MYH15: variants seen among roughly 807,000 people sequenced by gnomAD.
MYH15 encodes myosin-15.
In MYH15, 227 loss-of-function variants were observed where a neutral mutation model predicts 240.5. The observed-to-expected ratio is 0.94, with a 90% CI of 0.85 to 1.05. The LOEUF (loss-of-function observed/expected upper bound fraction) is 1.05, where lower values mean the gene tolerates loss of function less well. Ranked by LOEUF, MYH15 falls within the 50% of genes least tolerant of loss-of-function variation. The pLI, the probability that MYH15 is intolerant of heterozygous loss-of-function variation, is 0.00. For missense variants in MYH15, 2,217 were observed against 2,247.5 expected, an observed-to-expected ratio of 0.99 and a Z score of 0.27; for synonymous variants, 785 against 796.7, an observed-to-expected ratio of 0.99 and a Z score of 0.25.
At chr3:108,504,527 A>T (rs1183976158) in intron 2 of MYH15, among the ~76,000 whole-genome samples, 1 of 152,248 alleles carries the variant, frequency 6.6e-6, no homozygotes, top group Non-Finnish European at 1.5e-5. Flanking sequence ...CAAAGATAGC[A>T]TTAAAAAGAC....
chr3:108,471,187 C>G (rs534708904), intron 12 of MYH15, among the ~76,000 whole-genome samples: 2 of 151,832 alleles, frequency 1.3e-5, no homozygotes, highest in South Asian at 4.2e-4. Flanking sequence ...TAGCCTGGTG[C>G]CTCTTTATGA....
chr3:108,526,636 C>T (rs1223129717), intron 1 of MYH15, among the ~76,000 whole-genome samples: 2 of 152,166 alleles, frequency 1.3e-5, no homozygotes, highest in East Asian at 3.8e-4. Flanking sequence ...CAGGGATTTT[C>T]ATTTTAAAAA....
chr3:108,441,276 G>A lies in MYH15; in HGVS notation c.2656-16C>T, dbSNP rs1560368932. On this transcript the variant is annotated splice_polypyrimidine_tract_variant and intron_variant, in intron 22 of 40. Coordinates refer to ENST00000693548, the MANE Select transcript of MYH15 (RefSeq NM_014981.3). ...TCTCTTGCTCCTGCCATGATGAGGA[G>A]AAAATTGTTGCCAACAGCTGGAAGT... The A allele has an allele frequency of 6.2e-7, 1 of 1,612,186 alleles. No homozygotes were observed. Among genetic ancestry groups the A allele is most frequent in the Non-Finnish European group, 8.5e-7 (1 of 1,178,618 alleles).
At chr3:108,386,374 A>G (rs1487046344) in intron 38 of MYH15, among the ~76,000 whole-genome samples, 1 of 152,190 alleles carries the variant, frequency 6.6e-6, no homozygotes, top group East Asian at 1.9e-4. Flanking sequence ...TCCTATCAAG[A>G]AAAGAACTTG....
At chr3:108,478,180 C>T (rs1303218489) in intron 11 of MYH15, among the ~76,000 whole-genome samples, 2 of 152,088 alleles carry the variant, frequency 1.3e-5, no homozygotes, top group Admixed American at 6.6e-5. Flanking sequence ...AGCTCTATCT[C>T]GTCTGTATTA....
rs551152684 is a variant in MYH15 at position 108,442,314 on chromosome 3, G to A, written c.2656-1054C>T. Among the ~76,000 whole-genome samples, 10 of 152,150 alleles carry A rather than the reference G, an allele frequency of 6.6e-5. No individual in the cohort carries two copies. In the South Asian group the frequency reaches 8.3e-4, roughly 13 times the overall value. The stretch of plus-strand genomic sequence containing the variant: ...GAGAATGGCTGCCTACCCAGCAAAC[G>A]GGGCTCAAAGAAGCACAGATGGAGA... On this transcript the variant is annotated intron_variant, in intron 22 of 40. Transcript: ENST00000693548.
chr3:108,493,145 T>C lies in MYH15; in HGVS notation c.744A>G (p.Arg248=). ...GKFIRMHFGA[R]GMLSSVDIDI... Reference sequence around the variant, plus strand: ...CAATGTCCACAGATGACAGCATGCCTCTGGCACCAAAGTGCATCCTGATGA... The same window carrying C: ...CAATGTCCACAGATGACAGCATGCCCCTGGCACCAAAGTGCATCCTGATGA... Residue 248 remains arginine (R), a synonymous_variant, in exon 8 of 41, where the codon AGA becomes AGG. Coordinates refer to ENST00000693548, the MANE Select transcript of MYH15 (RefSeq NM_014981.3). 1 of 1,614,156 alleles carries C rather than the reference T, an allele frequency of 6.2e-7. No homozygotes were observed. Among genetic ancestry groups the C allele is most frequent in the Non-Finnish European group, 8.5e-7 (1 of 1,180,014 alleles).
intron 12 of MYH15, 142 bp downstream of exon 12, chr3:108,476,255 T>A: frequency 7.7e-6 from 4 of 521,322 alleles, no homozygotes; most frequent in Non-Finnish European, 6.9e-6. Flanking sequence ...TTTGGAATAG[T>A]CATCCCAAGA....
At position 108,521,638 on chromosome 3, in the gene MYH15, C is replaced by T. The variant is rs148328904; in HGVS notation, c.-58+7625G>A. ...TATAATTATACCCAATCAATTTTTA[C>T]CAAAATGAATCAATATGGCAGTCTA... On this transcript the variant is annotated intron_variant, in intron 1 of 41. Transcript: ENST00000273353. Among the ~76,000 whole-genome samples, 591 of 152,182 alleles carry T rather than the reference C, an allele frequency of 3.9e-3. 4 individuals are homozygous for T. Among genetic ancestry groups the T allele is most frequent in the Non-Finnish European group, 4.6e-3 (316 of 67,990 alleles).
upstream of MYH15, among the ~76,000 whole-genome samples, chr3:108,512,477 C>T (rs1169573847): frequency 2.6e-5 from 4 of 152,068 alleles, no homozygotes; most frequent in Non-Finnish European, 4.4e-5. Context: ...TTCCTAGTGG[C>T]TTGCACTCAG....
At chr3:108,548,573 T>C in the MYH15 span, among the ~76,000 whole-genome samples, 1 of 152,132 alleles carries the variant, frequency 6.6e-6, no homozygotes, top group Non-Finnish European at 1.5e-5. Context: ...AAATATTTAC[T>C]ATCTGCCCCT....
intron 8 of MYH15, among the ~76,000 whole-genome samples, 186 bp downstream of exon 8, chr3:108,492,928 C>G (rs1276892746): frequency 2.0e-5 from 3 of 148,560 alleles, no homozygotes; most frequent in Non-Finnish European, 4.4e-5. Context: ...CCAGCCTGAA[C>G]AACAGAGTAA....
At chr3:108,522,129 A>G (rs1316531543) in intron 1 of MYH15, among the ~76,000 whole-genome samples, 2 of 152,080 alleles carry the variant, frequency 1.3e-5, no homozygotes, top group African/African-American at 2.4e-5. Flanking sequence ...ACATGCACCA[A>G]TAGACTCGGA....
chr3:108,484,460 T>C (rs1423237826), intron 11 of MYH15, among the ~76,000 whole-genome samples: 1 of 152,084 alleles, frequency 6.6e-6, no homozygotes, highest in Non-Finnish European at 1.5e-5. Context: ...CATAATTTGC[T>C]CCTTATTTTT....
the MYH15 span, among the ~76,000 whole-genome samples, chr3:108,537,924 G>A: frequency 6.6e-6 from 1 of 152,096 alleles, no homozygotes; most frequent in Non-Finnish European, 1.5e-5. Flanking sequence ...TGTGATCATC[G>A]CTGATATTTC....
chr3:108,504,966 ATCT>A (rs2083463811), intron 2 of MYH15, among the ~76,000 whole-genome samples: 1 of 152,040 alleles, frequency 6.6e-6, no homozygotes, highest in African/African-American at 2.4e-5. Flanking sequence ...CCAACTCTTA[ATCT>A]TCTTCTGTGG....
intron 9 of MYH15, among the ~76,000 whole-genome samples, chr3:108,488,678 G>A (rs2083323742): frequency 6.6e-6 from 1 of 152,056 alleles, no homozygotes; most frequent in African/African-American, 2.4e-5. Flanking sequence ...TCTTTATCCA[G>A]TCATCCTTCA....
chr3:108,470,668 A>G, intron 13 of MYH15, 30 bp downstream of exon 13: 1 of 1,608,208 alleles, frequency 6.2e-7, no homozygotes, highest in Non-Finnish European at 8.5e-7. Context: ...ATAAATATGC[A>G]TTGACTTCCT....
intron 24 of MYH15, 44 bp downstream of exon 24, chr3:108,439,693 A>G (rs1295161683): frequency 5.6e-6 from 8 of 1,421,106 alleles, no homozygotes; most frequent in South Asian, 1.7e-5. Flanking sequence ...AGTTATGTGT[A>G]TATGTAGACA....
Sources: allele counts gnomAD v4.1 joint callset (sites outside exome capture counted in the v4.1 genomes callset), GRCh38; gene constraint gnomAD v4.1.1; transcripts MANE v1.5; gene names NCBI Gene and HGNC (gene_info 2026-07-23, HGNC 2026-07-21).